TIAM1: variants seen among roughly 807,000 people sequenced by gnomAD.
The protein encoded by TIAM1 is TIAM Rac1 associated GEF 1, also known as rho guanine nucleotide exchange factor TIAM1.
In TIAM1, 65 loss-of-function variants were observed where a neutral mutation model predicts 163.5. The observed-to-expected ratio is 0.40, with a 90% CI of 0.33 to 0.49. The LOEUF is 0.49. Among genes scored for constraint, TIAM1 ranks in the 20% least tolerant of loss-of-function variants. TIAM1 has a pLI of 0.77. For synonymous variants in TIAM1, 833 were observed against 810.1 expected, an observed-to-expected ratio of 1.03 and a Z score of -0.48; for missense variants, 1,789 against 2,044.7, an observed-to-expected ratio of 0.87 and a Z score of 2.41.
chr21:31,457,705 T>C (rs2045159211), intron 2 of TIAM1, among the ~76,000 whole-genome samples: 1 of 152,106 alleles, frequency 6.6e-6, no homozygotes, highest in South Asian at 2.1e-4. Flanking sequence ...TGATAAAGAA[T>C]GGTATAAAAG....
At chr21:31,468,505 G>A (rs183791372) in intron 1 of TIAM1, among the ~76,000 whole-genome samples, 14 of 150,972 alleles carry the variant, frequency 9.3e-5, no homozygotes, top group East Asian at 7.9e-4. Context: ...GACCGGGCAC[G>A]GTGACTCAGG....
rs1185359842 is a variant in TIAM1, at chr21:31,378,193, T to G, written c.-368-38771A>C. 2.5e-5 allele frequency among the ~76,000 whole-genome samples: 3 copies of G among 120,052 alleles called. No individual in the cohort carries two copies. The East Asian group carries it at 7.5e-4, about 30-fold the overall frequency. 78.8% of individuals were successfully genotyped at this position (120,052 alleles called of 152,430 possible). A position where few individuals can be genotyped will look rare whatever the true frequency, so the allele number is the denominator to read the frequency against. ...GCTGCAGGAGAGAGAATGACATAAA[T>G]AAGAAGAAACAAGATAAGCCAAAAG... On this transcript the variant is annotated intron_variant, in intron 2 of 28. Coordinates refer to the TIAM1 transcript ENST00000286827.
intron 23 of TIAM1, among the ~76,000 whole-genome samples, chr21:31,135,680 G>C (rs1034860761): frequency 2.0e-5 from 3 of 151,936 alleles, no homozygotes; most frequent in Non-Finnish European, 4.4e-5. Context: ...TCCTGCCTCT[G>C]TGTTTATGTC....
intron 26 of TIAM1, among the ~76,000 whole-genome samples, chr21:31,126,440 G>A (rs183838948): frequency 6.6e-4 from 100 of 152,160 alleles, no homozygotes; most frequent in African/African-American, 2.3e-3. Context: ...GGTGGCACAT[G>A]CCTGTAGTCC....
rs146646829 is a variant in TIAM1, at chr21:31,468,593, G to A, written c.-421-4558C>T. Among the ~76,000 whole-genome samples the A allele has an allele frequency of 3.9e-3, 593 of 151,906 alleles. 4 individuals carry two copies. Among genetic ancestry groups the A allele is most frequent in the African/African-American group, 0.013 (553 of 41,458 alleles). On this transcript the variant is annotated intron_variant, in intron 1 of 28. Transcript: ENST00000286827. The stretch of plus-strand genomic sequence containing the variant: ...AGGTGGAGACCATCCTAGCTAACAC[G>A]GTGAAACCCGTCTCTACTAAAAATA...
At chr21:31,152,888 C>CG in intron 18 of TIAM1, 127 bp from the exon 19 acceptor site, 4 of 1,403,146 alleles carry the variant, frequency 2.9e-6, no homozygotes. Context: ...TACCAGAGAG[C>CG]GGGGCAGTTT....
At chr21:31,430,247 T>TATATATACAC (rs1491352162) in intron 2 of TIAM1, among the ~76,000 whole-genome samples, 31 of 106,928 alleles carry the variant, frequency 2.9e-4, no homozygotes, top group African/African-American at 1.1e-3. Flanking sequence ...TATATATATA[T>TATATATACAC]ACACACACAC....
rs1406026809 is a variant in TIAM1, at chr21:31,265,116, C to T, written c.963+894G>A. Among the ~76,000 whole-genome samples the T allele has an allele frequency of 2.6e-5, 4 of 152,054 alleles. No homozygotes were observed. The East Asian group carries it at 7.7e-4, about 29-fold the overall frequency. On this transcript the variant is annotated intron_variant, in intron 4 of 27. Coordinates refer to ENST00000541036, the MANE Select transcript of TIAM1 (RefSeq NM_001353694.2). ...GTCAGCCACCAAGCCGGCTCAACTG[C>T]CCAACATTTTATTATCCTAATCTTA...
At position 31,224,672 on chromosome 21, in the gene TIAM1, T is replaced by C. The variant is rs886350997; in HGVS notation, c.1809+1054A>G. ...ACATGGTAAACGTACTCGATGTTACTGAATTGTTCGTGTTAAAATGGTTGA... is the reference window on the plus strand; with the variant it reads ...ACATGGTAAACGTACTCGATGTTACCGAATTGTTCGTGTTAAAATGGTTGA... On this transcript the variant is annotated intron_variant, in intron 7 of 27. Coordinates refer to ENST00000541036, the MANE Select transcript of TIAM1 (RefSeq NM_001353694.2). Among the ~76,000 whole-genome samples the C allele has an allele frequency of 1.4e-4, 21 of 152,250 alleles. 1 individual carries two copies. Among genetic ancestry groups the C allele is most frequent in the Admixed American group, 1.4e-3 (21 of 15,290 alleles).
intron 9 of TIAM1, among the ~76,000 whole-genome samples, 193 bp downstream of exon 9, chr21:31,217,360 T>TA (rs1385438319): frequency 6.6e-6 from 1 of 152,194 alleles, no homozygotes; most frequent in Admixed American, 6.5e-5. Context: ...AGCTTGGTGA[T>TA]AGACTAATAG....
chr21:31,411,012 G>A (rs1602214809), intron 2 of TIAM1, among the ~76,000 whole-genome samples: 2 of 152,168 alleles, frequency 1.3e-5, no homozygotes, highest in East Asian at 3.9e-4. Flanking sequence ...GGCTCCAAGG[G>A]TGAGTGGGCT....
intron 16 of TIAM1, chr21:31,160,711 A>T: frequency 2.6e-6 from 1 of 388,354 alleles, no homozygotes; most frequent in Non-Finnish European, 4.5e-6. Context: ...GTCTCAACGC[A>T]GCAAGGACAG....
At chr21:31,459,312 A>G (rs2045237153) in intron 2 of TIAM1, among the ~76,000 whole-genome samples, 1 of 152,090 alleles carries the variant, frequency 6.6e-6, no homozygotes, top group Non-Finnish European at 1.5e-5. Flanking sequence ...TTGTCTGGCT[A>G]TGTTGCCCAG....
chr21:31,181,980 C>T (rs1381218071), intron 15 of TIAM1, among the ~76,000 whole-genome samples: 3 of 148,884 alleles, frequency 2.0e-5, no homozygotes, highest in South Asian at 2.2e-4. Flanking sequence ...GATAGAGTCT[C>T]GTTATGTTGC....
At chr21:31,498,448 C>A (rs117915985) in intron 1 of TIAM1, among the ~76,000 whole-genome samples, 5,999 of 152,234 alleles carry the variant, frequency 0.039, 191 homozygotes, top group Non-Finnish European at 0.061. Flanking sequence ...CCCGCAGCAC[C>A]CCCACTCTCC....
At chr21:31,394,728 T>TCTCA (rs1279053911) in intron 2 of TIAM1, among the ~76,000 whole-genome samples, 2,763 of 95,656 alleles carry the variant, frequency 0.029, 81 homozygotes, top group Middle Eastern at 0.082. Context: ...TCTCTCTCTC[T>TCTCA]CACACACACA....
chr21:31,205,089 G>A (rs2086383317), intron 11 of TIAM1, among the ~76,000 whole-genome samples: 2 of 152,246 alleles, frequency 1.3e-5, no homozygotes, highest in African/African-American at 4.8e-5. Flanking sequence ...AACTTTTTAA[G>A]TGTGCTACTT....
At chr21:31,511,591 G>A (rs1016955712) in intron 1 of TIAM1, among the ~76,000 whole-genome samples, 4 of 152,176 alleles carry the variant, frequency 2.6e-5, no homozygotes, top group African/African-American at 9.7e-5. Context: ...CTGGCACCGA[G>A]TCCAAGCTAT....
chr21:31,450,722 G>A (rs2044800364), intron 2 of TIAM1, among the ~76,000 whole-genome samples: 1 of 152,182 alleles, frequency 6.6e-6, no homozygotes, highest in Admixed American at 6.5e-5. Context: ...CGTGGCAGAA[G>A]GCGAAACGCG....
Sources: allele counts gnomAD v4.1 joint callset (sites outside exome capture counted in the v4.1 genomes callset), GRCh38; gene constraint gnomAD v4.1.1; transcripts MANE v1.5; gene names NCBI Gene and HGNC (gene_info 2026-07-23, HGNC 2026-07-21).